AGAP6: variants seen among roughly 807,000 people sequenced by gnomAD.
AGAP6 encodes arf-GAP with GTPase, ANK repeat and PH domain-containing protein 6.
Under a neutral mutation model 63.9 loss-of-function variants are expected in AGAP6, and 29 were observed. The observed-to-expected ratio is 0.45, with a 90% CI of 0.34 to 0.62. The LOEUF (loss-of-function observed/expected upper bound fraction) is 0.62. AGAP6 is among the 20% of genes least tolerant of loss of function. The pLI is 0.01. For missense variants in AGAP6, 493 were observed against 884.9 expected (o/e 0.56, Z 5.62); for synonymous variants, 199 against 332.9 (o/e 0.60, Z 4.38).
In AGAP6 at chr10:49,999,015, G is replaced by A. The variant is rs370328460; in HGVS notation, c.397-2981G>A. Among the ~76,000 whole-genome samples, 81 of 140,448 alleles carry A rather than the reference G, an allele frequency of 5.8e-4. 10 individuals are homozygous for A. In the South Asian group the frequency reaches 0.019, roughly 33 times the overall value. The allele number at this position is 140,448 out of a possible 152,430, so 92.1% of individuals were successfully genotyped here. On this transcript the variant is annotated intron_variant, in intron 4 of 7. Transcript: ENST00000412531. ...GATCATGAGGTCAGGAGCGGGAGAC[G>A]GATCATGAGGTCAGGAGTTCGAGAC...
rs376377065 is a variant in AGAP6 at position 49,993,027 on chromosome 10, G to T, written c.361+1283G>T. On this transcript the variant is annotated intron_variant, in intron 3 of 7. Coordinates refer to ENST00000412531, the MANE Select transcript of AGAP6 (RefSeq NM_001077665.3). ...TCTACCCGCTTCAGCCTCCCAAAGT[G>T]CTGGGATTACAGGCTTCAGCCACCG... Among the ~76,000 whole-genome samples, 14 of 152,292 alleles carry T rather than the reference G, an allele frequency of 9.2e-5. No homozygotes were observed. In the East Asian group the frequency reaches 2.7e-3, roughly 29 times the overall value.
Position 50,002,009 on chromosome 10 carries a change from G to A in AGAP6, c.410G>A (p.Arg137His), listed in dbSNP as rs782285569. 1.7e-5 allele frequency: 28 copies of A among 1,612,708 alleles called. No homozygotes were observed. Among genetic ancestry groups the A allele is most frequent in the East Asian group, 1.3e-4 (6 of 44,890 alleles). The change falls in exon 5 of 8, where the codon CGT (arginine) becomes CAT (histidine). Residue 137 changes from arginine to histidine, a missense_variant. Physicochemically the swap from Arg to His is conservative, Grantham distance 29 (BLOSUM62 0). Around this residue, in one of 7 missense-constraint regions of AGAP6, gnomAD observed 342 missense variants for 533.4 expected, o/e 0.64. Coordinates refer to ENST00000412531, the MANE Select transcript of AGAP6 (RefSeq NM_001077665.3). ...CTTCCCCTTCAGGTATCTGCTGTGC[G>A]TTTCAGTCAACAATACAGCTTGTGT... ...SNCTNHVSAV[R>H]FSQQYSLCST... is the part of the protein sequence containing the mutation.
chr10:50,006,486 C>T (rs1841917341), intron 6 of AGAP6, among the ~76,000 whole-genome samples: 1 of 152,198 alleles, frequency 6.6e-6, no homozygotes, highest in African/African-American at 2.4e-5. Context: ...GCAATCCTCT[C>T]ACCTCAGGCT....
At position 49,988,889 on chromosome 10, in the gene AGAP6, T is replaced by G. The variant is rs552705141; in HGVS notation, c.174T>G (p.Val58=). 1 of 1,599,558 alleles carries G rather than the reference T, an allele frequency of 6.3e-7. No individual in the cohort carries two copies. The highest frequency in any genetic ancestry group is 1.1e-5 in the South Asian group (1 of 90,928). ...AGCCTGCTGAGGTGACTGTTGAAGT[T>G]GGTGAGGACCTCCACATGCACCACG... is the stretch of plus-strand genomic sequence containing the variant. The part of the protein sequence containing the change: ...AVQPAEVTVE[V]GEDLHMHHVR... Residue 58 remains valine, a synonymous_variant, in exon 1 of 8, where the codon GTT becomes GTG. Transcript: ENST00000412531.
rs1489583790 is a variant in AGAP6 at position 50,001,481 on chromosome 10, G to A, written c.397-515G>A. On this transcript the variant is annotated intron_variant, in intron 4 of 7. Coordinates refer to ENST00000412531, the MANE Select transcript of AGAP6 (RefSeq NM_001077665.3). Reference sequence around the variant, plus strand: ...GTCTGCCGGCCTGGAGTGCAGTGGCGCGAACTCGGCTCACTGCAAGCTCCG... The same window carrying A: ...GTCTGCCGGCCTGGAGTGCAGTGGCACGAACTCGGCTCACTGCAAGCTCCG... Among the ~76,000 whole-genome samples, 2 of 101,524 alleles carry A rather than the reference G, an allele frequency of 2.0e-5. 1 individual carries two copies. Among genetic ancestry groups the A allele is most frequent in the Middle Eastern group, 0.012 (2 of 172 alleles). 66.6% of individuals were successfully genotyped at this position (101,524 alleles called of 152,430 possible). A position where few individuals can be genotyped will look rare whatever the true frequency, so the allele number is the denominator to read the frequency against.
intron 1 of AGAP6, 107 bp from the exon 2 acceptor site, chr10:49,989,201 G>A (rs1841164001): frequency 1.3e-6 from 2 of 1,529,244 alleles, no homozygotes; most frequent in African/African-American, 2.8e-5. Flanking sequence ...GCTGGCATGG[G>A]ACCATTTATT....
In AGAP6 at chr10:50,009,162, C is replaced by T. The variant is rs199932582; in HGVS notation, c.1037C>T (p.Ser346Phe). Residue 346 changes from serine to phenylalanine, a missense_variant, in exon 8 of 8, where the codon TCC becomes TTC. By Grantham distance (155) the Ser-to-Phe change is radical (BLOSUM62 -2). Coordinates refer to ENST00000412531, the MANE Select transcript of AGAP6 (RefSeq NM_001077665.3). ...STIKVPGKWP[S>F]LATSACTPIS... ...ATCAAAGTCCCAGGAAAGTGGCCATCCCTAGCCACATCGGCCTGCACACCC... is the reference window on the plus strand; with the variant it reads ...ATCAAAGTCCCAGGAAAGTGGCCATTCCTAGCCACATCGGCCTGCACACCC... The T allele has an allele frequency of 2.8e-4, 449 of 1,614,078 alleles. No individual in the cohort carries two copies. The highest frequency in any genetic ancestry group is 3.5e-4 in the Non-Finnish European group (411 of 1,180,054).
chr10:50,001,344 T>TA (rs1841688054), intron 4 of AGAP6, among the ~76,000 whole-genome samples: 1 of 142,664 alleles, frequency 7.0e-6, no homozygotes, highest in East Asian at 2.0e-4. Flanking sequence ...ATAAATAAAT[T>TA]AATTAATTAA....
chr10:49,999,703 T>C (rs1554862646), intron 4 of AGAP6, among the ~76,000 whole-genome samples: 9 of 130,090 alleles, frequency 6.9e-5, no homozygotes. Context: ...TATGATCATA[T>C]ACCTAGGAAA....
In AGAP6 at chr10:50,007,956, A is replaced by G. The variant is rs552126491; in HGVS notation, c.534-69A>G. ...AACACCAAAGCACACAGGAGGCAGT[A>G]TTTTACTAAACAAATATTATACTAA... On this transcript the variant is annotated intron_variant, in intron 6 of 7. Coordinates refer to ENST00000412531, the MANE Select transcript of AGAP6 (RefSeq NM_001077665.3). 111 of 1,610,262 alleles carry G rather than the reference A, an allele frequency of 6.9e-5. No homozygotes were observed. In the African/African-American group the frequency reaches 1.1e-3, roughly 16 times the overall value.
chr10:50,008,432 G>C lies in AGAP6; in HGVS notation c.586-279G>C, dbSNP rs1426221561. The C allele has an allele frequency of 1.1e-5, 6 of 565,018 alleles. No homozygotes were observed. The Admixed American group carries it at 3.8e-4, about 36-fold the overall frequency. The allele number at this position is 565,018 out of a possible 1,614,324, so 35.0% of individuals were successfully genotyped here. ...CAATTCTCCTGCCTCAGCCTCCTGA[G>C]TAACTGGAATTACAGGCATGTGCCA... On this transcript the variant is annotated intron_variant, in intron 7 of 7. Coordinates refer to ENST00000412531, the MANE Select transcript of AGAP6 (RefSeq NM_001077665.3).
intron 2 of AGAP6, among the ~76,000 whole-genome samples, chr10:49,989,995 A>G (rs1253603128): frequency 8.5e-5 from 13 of 152,252 alleles, no homozygotes; most frequent in Non-Finnish European, 1.3e-4. Flanking sequence ...AAAACTTTCA[A>G]AAGACATGAA....
chr10:49,997,634 T>A (rs1310042340), intron 4 of AGAP6, among the ~76,000 whole-genome samples: 5 of 152,210 alleles, frequency 3.3e-5, no homozygotes, highest in Non-Finnish European at 7.3e-5. Flanking sequence ...TTTTATTTAT[T>A]TATTTATTAT....
At chr10:49,995,887 G>A (rs569054101) in intron 4 of AGAP6, among the ~76,000 whole-genome samples, 18 of 152,300 alleles carry the variant, frequency 1.2e-4, no homozygotes, top group African/African-American at 4.3e-4. Flanking sequence ...TTGCCAGTGT[G>A]TGATACGTTA....
chr10:49,995,038 A>C (rs1841434141), intron 4 of AGAP6, among the ~76,000 whole-genome samples: 1 of 152,064 alleles, frequency 6.6e-6, no homozygotes, highest in African/African-American at 2.4e-5. Context: ...AGAATAGTTA[A>C]GTTAATTGCC....
rs782029003 is a variant in AGAP6 at position 50,009,754 on chromosome 10, C to G, written c.1629C>G (p.Ile543Met). The change falls in exon 8 of 8, where the codon ATC becomes ATG. Residue 543 changes from isoleucine to methionine, a missense_variant. Ile to Met is a conservative substitution (Grantham distance 10). This residue lies in a region of AGAP6 where 87 missense variants were observed against 92.9 expected (regional missense o/e 0.94). Coordinates refer to ENST00000412531, the MANE Select transcript of AGAP6 (RefSeq NM_001077665.3). The part of the protein sequence containing the change: ...SSIVNDLANS[I>M]WEGSSQGQTK... ...TTGTCAATGACCTAGCCAACAGCAT[C>G]TGGGAAGGGAGCAGCCAGGGGCAGA... 1.2e-5 allele frequency: 20 copies of G among 1,614,134 alleles called. No homozygotes were observed. The highest frequency in any genetic ancestry group is 1.7e-5 in the Non-Finnish European group (20 of 1,179,998).
At position 50,010,268 on chromosome 10, in the gene AGAP6, A is replaced by G; in HGVS notation, c.*82A>G. On this transcript the variant is annotated 3_prime_UTR_variant, in exon 8 of 8. Coordinates refer to ENST00000412531, the MANE Select transcript of AGAP6 (RefSeq NM_001077665.3). Reference sequence around the variant, plus strand: ...GGATAACTCAGAATTTCAAAAGGAAATCACAAATTCAGCTAATATTAGCAT... The same window carrying G: ...GGATAACTCAGAATTTCAAAAGGAAGTCACAAATTCAGCTAATATTAGCAT... 6.2e-7 allele frequency: 1 copy of G among 1,602,592 alleles called. No individual in the cohort carries two copies. Among genetic ancestry groups the G allele is most frequent in the South Asian group, 1.1e-5 (1 of 90,222 alleles).
At chr10:49,990,709 T>G (rs1564705490) in intron 2 of AGAP6, among the ~76,000 whole-genome samples, 1 of 152,214 alleles carries the variant, frequency 6.6e-6, no homozygotes, top group Non-Finnish European at 1.5e-5. Flanking sequence ...AGAGATTTCA[T>G]TACTGTAGAG....
rs782248215 is a variant in AGAP6 at position 50,009,349 on chromosome 10, CA to C, written c.1226del (p.Asn409ThrfsTer4). The C allele has an allele frequency of 1.9e-6, 3 of 1,614,164 alleles. No homozygotes were observed. The African/African-American group carries it at 4.0e-5, about 22-fold the overall frequency. On this transcript the variant is annotated frameshift_variant, in exon 8 of 8. Coordinates refer to ENST00000412531, the MANE Select transcript of AGAP6 (RefSeq NM_001077665.3). LOFTEE classifies it high-confidence loss of function. ...KKKHLKKKST[N>X]NFMIVSATGQ... ...AGAAACACCTAAAGAAGAAAAGCAC[CA>C]ACAACTTTATGATTGTGTCTGCCAC...
Sources: allele counts gnomAD v4.1 joint callset (sites outside exome capture counted in the v4.1 genomes callset), GRCh38; gene constraint gnomAD v4.1.1; regional missense constraint gnomAD v4.1.1; transcripts MANE v1.5; gene names NCBI Gene and HGNC (gene_info 2026-07-23, HGNC 2026-07-21).